The following RBFOX1 variants were observed in gnomAD, a reference collection of about 807,000 sequenced individuals.
RBFOX1 encodes RNA binding fox-1 homolog 1, also known as RNA binding protein fox-1 homolog 1.
RBFOX1 carries 8 observed loss-of-function variants against 57.7 expected under a neutral mutation model. The observed-to-expected ratio is 0.14, with a 90% confidence interval of 0.08 to 0.25. RBFOX1 has a LOEUF of 0.25. RBFOX1 is among the 10% of genes least tolerant of loss of function. RBFOX1 has a pLI of 1.00. For missense variants in RBFOX1, 611 were observed against 548.5 expected (o/e 1.11, Z -1.14); for synonymous variants, 326 against 222.4 (o/e 1.47, Z -4.15).
chr16:6,461,829 T>A (rs149373094), intron 2 of RBFOX1, among the ~76,000 whole-genome samples: 14 of 152,208 alleles, frequency 9.2e-5, no homozygotes, highest in Admixed American at 9.2e-4. Flanking sequence ...TAAAAGGACA[T>A]ATGCAATTAT....
chr16:7,189,326 T>G (rs998921705), intron 4 of RBFOX1, among the ~76,000 whole-genome samples: 2 of 146,816 alleles, frequency 1.4e-5, no homozygotes, highest in South Asian at 2.2e-4. Context: ...CTCAGGAGGC[T>G]GAGGCAGGAG....
chr16:6,216,118 G>A (rs1024406680), intron 1 of RBFOX1, among the ~76,000 whole-genome samples: 8 of 152,196 alleles, frequency 5.3e-5, no homozygotes, highest in African/African-American at 9.6e-5. Context: ...AACGCACACC[G>A]GGGCCTTTTG....
Position 6,904,018 on chromosome 16 carries a change from C to G in RBFOX1, c.-15-148039C>G, listed in dbSNP as rs1002532688. ...CCACGTGGTCACAAAACACAGCCTA[C>G]AAATGCCCCCACCTGAGGTCATACA... is the stretch of plus-strand genomic sequence containing the variant. On this transcript the variant is annotated intron_variant, in intron 3 of 15. Coordinates refer to ENST00000550418, the MANE Select transcript of RBFOX1 (RefSeq NM_018723.4). Among the ~76,000 whole-genome samples the G allele has an allele frequency of 7.7e-4, 117 of 152,214 alleles. 4 individuals are homozygous for G. Among genetic ancestry groups the G allele is most frequent in the Admixed American group, 7.5e-3 (115 of 15,298 alleles).
intron 3 of RBFOX1, among the ~76,000 whole-genome samples, chr16:5,695,827 T>A (rs1216283295): frequency 6.6e-6 from 1 of 152,178 alleles, no homozygotes; most frequent in Non-Finnish European, 1.5e-5. Flanking sequence ...AACTATAGAA[T>A]GTAATAGATA....
chr16:6,869,464 C>G (rs1452604275), intron 3 of RBFOX1, among the ~76,000 whole-genome samples: 5 of 72,310 alleles, frequency 6.9e-5, no homozygotes, highest in Non-Finnish European at 9.8e-5. Context: ...CCCTTACTGT[C>G]TTTTGAGGTT....
intron 4 of RBFOX1, among the ~76,000 whole-genome samples, chr16:7,174,961 C>T (rs533143237): frequency 1.2e-4 from 19 of 152,312 alleles, no homozygotes; most frequent in African/African-American, 4.3e-4. Context: ...GGTGATATCT[C>T]ATCATCATGG....
chr16:6,074,974 T>C (rs951034380), intron 1 of RBFOX1, among the ~76,000 whole-genome samples: 3 of 152,042 alleles, frequency 2.0e-5, no homozygotes, highest in Non-Finnish European at 4.4e-5. Flanking sequence ...AGGGTCTGAT[T>C]GGAGTCTGGT....
chr16:7,045,552 G>A (rs748445594), intron 3 of RBFOX1, among the ~76,000 whole-genome samples: 48 of 152,168 alleles, frequency 3.2e-4, no homozygotes, highest in Non-Finnish European at 6.0e-4. Flanking sequence ...AGGTCAGTAG[G>A]CCCCCTGGTT....
rs2096572022 is a variant in RBFOX1, at chr16:6,525,953, G to C, written c.-63-128650G>C. Among the ~76,000 whole-genome samples the C allele has an allele frequency of 2.0e-5, 3 of 152,066 alleles. No individual in the cohort carries two copies. The South Asian group carries it at 6.2e-4, about 32-fold the overall frequency. On this transcript the variant is annotated intron_variant, in intron 2 of 15. Transcript: ENST00000550418. Reference sequence around the variant, plus strand: ...AGAGAAAAAAAGCAAGGGAACTAATGGTGGCTGAATGCGGGAAGTAAAGGT... The same window carrying C: ...AGAGAAAAAAAGCAAGGGAACTAATCGTGGCTGAATGCGGGAAGTAAAGGT...
At chr16:6,705,882 G>C (rs2062649943) in intron 3 of RBFOX1, among the ~76,000 whole-genome samples, 1 of 152,122 alleles carries the variant, frequency 6.6e-6, no homozygotes, top group Admixed American at 6.5e-5. Flanking sequence ...GCTGGGCATG[G>C]TGGTGCATGT....
Position 5,664,276 on chromosome 16 carries a change from G to A in RBFOX1, c.318+65315G>A, listed in dbSNP as rs12599048. 0.014 allele frequency among the ~76,000 whole-genome samples: 2,194 copies of A among 152,256 alleles called. 116 individuals carry two copies. The East Asian group carries it at 0.18, about 13-fold the overall frequency. ...TTTAAAAGTGGATTCCTGGCCGGGC[G>A]CAGTGGCTCACGCCTATAATCCCAG... On this transcript the variant is annotated intron_variant, in intron 3 of 19. Coordinates refer to the RBFOX1 transcript ENST00000641259.
intron 1 of RBFOX1, among the ~76,000 whole-genome samples, chr16:5,364,432 G>A (rs78108039): frequency 8.5e-5 from 13 of 152,132 alleles, no homozygotes; most frequent in African/African-American, 1.2e-4. Flanking sequence ...GAAATATTCC[G>A]GTTCCAATTA....
chr16:7,315,210 AGAC>A (rs999337533), intron 4 of RBFOX1, among the ~76,000 whole-genome samples: 66 of 152,274 alleles, frequency 4.3e-4, no homozygotes, highest in African/African-American at 1.5e-3. Context: ...AACCAACAGA[AGAC>A]AGAGTAGGAG....
intron 1 of RBFOX1, among the ~76,000 whole-genome samples, chr16:6,109,492 T>C (rs1203495347): frequency 1.3e-5 from 2 of 152,184 alleles, no homozygotes; most frequent in African/African-American, 4.8e-5. Flanking sequence ...ATAATATAGT[T>C]AGTCGATGAT....
intron 4 of RBFOX1, among the ~76,000 whole-genome samples, chr16:7,129,717 A>G (rs2069674635): frequency 6.6e-6 from 1 of 152,048 alleles, no homozygotes; most frequent in African/African-American, 2.4e-5. Flanking sequence ...GAGCCCCCAA[A>G]TCGGGTTGTG....
intron 3 of RBFOX1, among the ~76,000 whole-genome samples, chr16:7,044,519 G>A (rs559273814): frequency 6.6e-5 from 10 of 152,302 alleles, no homozygotes; most frequent in African/African-American, 2.4e-4. Context: ...GGAGAGCAAA[G>A]GGTCTCATGC....
At chr16:6,491,606 C>T (rs1205410529) in intron 2 of RBFOX1, among the ~76,000 whole-genome samples, 1 of 152,126 alleles carries the variant, frequency 6.6e-6, no homozygotes, top group Non-Finnish European at 1.5e-5. Flanking sequence ...CTATTGAGTG[C>T]CTGCAATAAG....
chr16:5,391,478 A>G (rs2066405775), intron 1 of RBFOX1, among the ~76,000 whole-genome samples: 1 of 152,154 alleles, frequency 6.6e-6, no homozygotes, highest in Non-Finnish European at 1.5e-5. Flanking sequence ...TTGGGACTCC[A>G]CTGGGACCAC....
At chr16:6,463,362 G>C (rs1192497932) in intron 2 of RBFOX1, among the ~76,000 whole-genome samples, 1 of 152,104 alleles carries the variant, frequency 6.6e-6, no homozygotes, top group Non-Finnish European at 1.5e-5. Flanking sequence ...TTTATTTGCT[G>C]TTGTGTATTA....
Sources: allele counts gnomAD v4.1 joint callset (sites outside exome capture counted in the v4.1 genomes callset), GRCh38; gene constraint gnomAD v4.1.1; transcripts MANE v1.5; gene names NCBI Gene and HGNC (gene_info 2026-07-23, HGNC 2026-07-21).